NKAIN3: variants seen among roughly 807,000 people sequenced by gnomAD.
NKAIN3 encodes the protein sodium/potassium transporting ATPase interacting 3.
Under a neutral mutation model 30.2 loss-of-function variants are expected in NKAIN3, and 25 were observed. The observed-to-expected ratio is 0.83, with a 90% CI of 0.60 to 1.16. The LOEUF is 1.16. Among genes scored for constraint, NKAIN3 ranks in the 50% most tolerant of loss-of-function variants. The pLI is 0.00. For synonymous variants in NKAIN3, 91 were observed against 89.6 expected, an observed-to-expected ratio of 1.02 and a Z score of -0.09; for missense variants, 225 against 254.1, an observed-to-expected ratio of 0.89 and a Z score of 0.78.
At chr8:62,323,163 C>T (rs771958840) in intron 1 of NKAIN3, among the ~76,000 whole-genome samples, 3 of 152,166 alleles carry the variant, frequency 2.0e-5, no homozygotes, top group Non-Finnish European at 4.4e-5. Context: ...TATGACTCAG[C>T]AATTACATGC....
At chr8:62,316,423 C>T (rs548317017) in intron 1 of NKAIN3, among the ~76,000 whole-genome samples, 4 of 151,738 alleles carry the variant, frequency 2.6e-5, no homozygotes, top group Admixed American at 1.3e-4. Flanking sequence ...AATGCTATCC[C>T]CCCCCTCCTC....
At chr8:62,751,140 T>A (rs115136922) in intron 4 of NKAIN3, among the ~76,000 whole-genome samples, 1,544 of 152,242 alleles carry the variant, frequency 0.01, 26 homozygotes, top group African/African-American at 0.034. Context: ...CCTCCCCTTC[T>A]GGCATCCAGC....
At chr8:62,962,027 C>A (rs1163674318) in intron 6 of NKAIN3, among the ~76,000 whole-genome samples, 1 of 152,120 alleles carries the variant, frequency 6.6e-6, no homozygotes, top group Non-Finnish European at 1.5e-5. Flanking sequence ...TTGGCCCAGG[C>A]AGTTCTCAAC....
At chr8:62,324,908 A>G (rs969489171) in intron 1 of NKAIN3, among the ~76,000 whole-genome samples, 3 of 150,244 alleles carry the variant, frequency 2.0e-5, no homozygotes, top group African/African-American at 7.2e-5. Flanking sequence ...TACTACTTAG[A>G]AAAAGAAAGA....
rs187241035 is a variant in NKAIN3 at position 62,883,264 on chromosome 8, A to C, written c.472-35189A>C. Among the ~76,000 whole-genome samples, 458 of 152,198 alleles carry C rather than the reference A, an allele frequency of 3.0e-3. 2 individuals carry two copies. The highest frequency in any genetic ancestry group is 5.1e-3 in the Non-Finnish European group (346 of 68,002). On this transcript the variant is annotated intron_variant, in intron 4 of 6. Coordinates refer to ENST00000623646, the MANE Select transcript of NKAIN3 (RefSeq NM_001304533.3). Reference sequence around the variant, plus strand: ...GAGCTTTGTAATTTTCCTCATAAATATCTTGTGCATATTTTGTTAGATTTA... The same window carrying C: ...GAGCTTTGTAATTTTCCTCATAAATCTCTTGTGCATATTTTGTTAGATTTA...
At chr8:62,682,548 C>T (rs1813674636) in intron 3 of NKAIN3, among the ~76,000 whole-genome samples, 1 of 152,162 alleles carries the variant, frequency 6.6e-6, no homozygotes, top group Non-Finnish European at 1.5e-5. Flanking sequence ...CCTGAAAGCT[C>T]TGCTTGCTTT....
At chr8:62,481,587 G>T (rs1019349584) in intron 1 of NKAIN3, among the ~76,000 whole-genome samples, 8 of 152,210 alleles carry the variant, frequency 5.3e-5, no homozygotes, top group African/African-American at 1.4e-4. Context: ...AGTACCATTT[G>T]GTAAAAGTCT....
intron 4 of NKAIN3, among the ~76,000 whole-genome samples, chr8:62,823,188 TA>T (rs1477086105): frequency 6.6e-6 from 1 of 152,148 alleles, no homozygotes; most frequent in Non-Finnish European, 1.5e-5. Context: ...ACAACTATGT[TA>T]AAACAATAAG....
At chr8:62,748,554 A>G (rs1405241177) in intron 4 of NKAIN3, among the ~76,000 whole-genome samples, 1 of 152,216 alleles carries the variant, frequency 6.6e-6, no homozygotes, top group Non-Finnish European at 1.5e-5. Flanking sequence ...TTCTAGGGCC[A>G]CCAGTGTAGT....
chr8:62,800,332 C>G (rs1015613798), intron 4 of NKAIN3, among the ~76,000 whole-genome samples: 8 of 152,166 alleles, frequency 5.3e-5, no homozygotes, highest in Admixed American at 5.2e-4. Context: ...GGGGTTCATG[C>G]AAGACCCTCT....
chr8:62,814,799 C>A (rs1267194166), intron 4 of NKAIN3, among the ~76,000 whole-genome samples: 7 of 151,888 alleles, frequency 4.6e-5, no homozygotes, highest in African/African-American at 1.2e-4. Flanking sequence ...AAAATTGACA[C>A]CCTAACATCA....
intron 5 of NKAIN3, among the ~76,000 whole-genome samples, chr8:62,949,719 G>C (rs1020060940): frequency 8.0e-6 from 1 of 124,518 alleles, no homozygotes; most frequent in African/African-American, 3.2e-5. Flanking sequence ...CCTTAATTGT[G>C]TTGCTTTTTT....
chr8:62,708,911 G>A (rs563464782), intron 3 of NKAIN3, among the ~76,000 whole-genome samples: 2 of 152,154 alleles, frequency 1.3e-5, no homozygotes, highest in African/African-American at 4.8e-5. Context: ...TGCAGATTTT[G>A]ATGAGAGTTA....
chr8:62,402,830 C>A (rs973198313), intron 1 of NKAIN3, among the ~76,000 whole-genome samples: 4 of 152,088 alleles, frequency 2.6e-5, no homozygotes, highest in African/African-American at 9.7e-5. Context: ...GTAAAGATAA[C>A]CAAAAATGTG....
intron 4 of NKAIN3, among the ~76,000 whole-genome samples, chr8:62,802,249 G>A (rs931821034): frequency 2.0e-5 from 3 of 152,102 alleles, no homozygotes; most frequent in Non-Finnish European, 1.5e-5. Context: ...CCAACATTCA[G>A]ATTCAGGAAA....
chr8:62,737,179 T>A (rs1423765141), intron 3 of NKAIN3, among the ~76,000 whole-genome samples: 2 of 152,218 alleles, frequency 1.3e-5, no homozygotes, highest in Non-Finnish European at 2.9e-5. Context: ...AAGTTCATGA[T>A]GTGAGCTCCT....
intron 1 of NKAIN3, among the ~76,000 whole-genome samples, chr8:62,542,168 G>A (rs1429680657): frequency 6.6e-6 from 1 of 152,150 alleles, no homozygotes; most frequent in Non-Finnish European, 1.5e-5. Flanking sequence ...CTGAGAAGTG[G>A]CAGTTTTTAA....
rs553110497 is a variant in NKAIN3 at position 62,627,529 on chromosome 8, A to G, written c.273+37735A>G. Among the ~76,000 whole-genome samples the G allele has an allele frequency of 9.2e-5, 14 of 152,242 alleles. No homozygotes were observed. In the South Asian group the frequency reaches 2.7e-3, roughly 29 times the overall value. ...CTGGAGCTGGGATGGGAAAGGGTCC[A>G]GAGAGAAAGATTGTAGGATTCTGTG... On this transcript the variant is annotated intron_variant, in intron 3 of 6. Coordinates refer to ENST00000623646, the MANE Select transcript of NKAIN3 (RefSeq NM_001304533.3).
chr8:62,303,886 A>G (rs1054861363), intron 1 of NKAIN3, among the ~76,000 whole-genome samples: 2 of 150,578 alleles, frequency 1.3e-5, no homozygotes, highest in Non-Finnish European at 2.9e-5. Flanking sequence ...AGGTTGTTAC[A>G]GTACTATAAG....
Sources: gnomAD v4.1 joint callset for allele counts (sites outside exome capture counted in the v4.1 genomes callset) on GRCh38, gnomAD v4.1.1 for gene constraint, MANE v1.5 for transcripts, NCBI Gene and HGNC (gene_info 2026-07-23, HGNC 2026-07-21) for gene names.